PI4K2B: variants seen among roughly 807,000 people sequenced by gnomAD.
PI4K2B encodes the protein phosphatidylinositol 4-kinase type 2 beta.
In PI4K2B, 46 loss-of-function variants were observed where a neutral mutation model predicts 56.6. The ratio of observed to expected loss-of-function variants is 0.81; its 90% CI spans 0.64 to 1.04. The LOEUF is 1.04. Ranked by LOEUF, PI4K2B falls within the 50% of genes least tolerant of loss-of-function variation. PI4K2B has a pLI of 0.00. For synonymous variants in PI4K2B, 211 were observed against 223.8 expected (o/e 0.94, Z 0.51); for missense variants, 556 against 607.7 (o/e 0.91, Z 0.89).
At chr4:25,249,442 G>GC (rs1257182773) in intron 1 of PI4K2B, among the ~76,000 whole-genome samples, 2 of 144,582 alleles carry the variant, frequency 1.4e-5, no homozygotes, top group Non-Finnish European at 3.0e-5. Flanking sequence ...GGCGGGGGCT[G>GC]CCCCCCGCCT....
At chr4:25,252,920 T>G (rs1340820866) in intron 2 of PI4K2B, among the ~76,000 whole-genome samples, 1 of 152,204 alleles carries the variant, frequency 6.6e-6, no homozygotes, top group Non-Finnish European at 1.5e-5. Flanking sequence ...GCCTCAATGT[T>G]TTGCTTTTAC....
chr4:25,265,198 C>CAAAAAA (rs71188933), intron 7 of PI4K2B, among the ~76,000 whole-genome samples: 1,333 of 65,274 alleles, frequency 0.02, 110 homozygotes, highest in African/African-American at 0.077. Context: ...TCTGTCTCAC[C>CAAAAAA]AAAAAAAAAA....
chr4:25,238,493 C>T (rs780475528), intron 1 of PI4K2B, among the ~76,000 whole-genome samples: 3 of 152,114 alleles, frequency 2.0e-5, no homozygotes, highest in Non-Finnish European at 2.9e-5. Context: ...CATGGACCCT[C>T]GCGGTTAGTG....
chr4:25,276,855 T>A (rs556661526), intron 9 of PI4K2B, 159 bp from the exon 10 acceptor site: 1 of 984,852 alleles, frequency 1.0e-6, no homozygotes, highest in East Asian at 1.1e-4. Context: ...AAACATACAT[T>A]CATATAATAC....
chr4:25,241,079 C>G (rs1200516285), intron 1 of PI4K2B, among the ~76,000 whole-genome samples: 1 of 152,232 alleles, frequency 6.6e-6, no homozygotes, highest in Non-Finnish European at 1.5e-5. Context: ...TGCAATAACT[C>G]TATAATTTCC....
chr4:25,272,315 A>G (rs1716929103), intron 9 of PI4K2B, among the ~76,000 whole-genome samples: 1 of 152,230 alleles, frequency 6.6e-6, no homozygotes, highest in Non-Finnish European at 1.5e-5. Flanking sequence ...TGAAGATGAC[A>G]GGGTCAACAA....
intron 1 of PI4K2B, among the ~76,000 whole-genome samples, chr4:25,237,336 A>G (rs573555521): frequency 1.7e-3 from 129 of 76,288 alleles, no homozygotes; most frequent in African/African-American, 5.9e-3. Context: ...TGTGAGTACT[A>G]TTTTTGTTTT....
At chr4:25,265,641 C>T (rs902815756) in intron 7 of PI4K2B, among the ~76,000 whole-genome samples, 5 of 152,236 alleles carry the variant, frequency 3.3e-5, no homozygotes, top group African/African-American at 9.6e-5. Context: ...AAAATTTCTA[C>T]GTCAGCTTAT....
chr4:25,264,859 G>A (rs922348876), intron 7 of PI4K2B, among the ~76,000 whole-genome samples: 2 of 151,392 alleles, frequency 1.3e-5, no homozygotes, highest in African/African-American at 4.9e-5. Flanking sequence ...TGACAAGAGT[G>A]TAAGGCCCTG....
chr4:25,243,515 G>A lies in PI4K2B; in HGVS notation c.269-8806G>A, dbSNP rs527473534. On this transcript the variant is annotated intron_variant, in intron 1 of 9. Coordinates refer to ENST00000264864, the MANE Select transcript of PI4K2B (RefSeq NM_018323.4). ...TGATCTTGCTTTTCCTTTTGGGCCC[G>A]TTCCTTTTGGTCCCTATTATAGAAC... Among the ~76,000 whole-genome samples, 15 of 152,268 alleles carry A rather than the reference G, an allele frequency of 9.9e-5. 1 individual carries two copies. In the South Asian group the frequency reaches 2.1e-3, roughly 21 times the overall value.
Position 25,256,664 on chromosome 4 carries a change from T to C in PI4K2B, c.746T>C (p.Leu249Pro). The change falls in exon 4 of 10, where the codon CTC (leucine) becomes CCC (proline). Residue 249 changes from leucine (L) to proline (P), a missense_variant. Transcript: ENST00000264864. ...KVGRKFHRIG[L>P]PPKIGSFQLF... The stretch of plus-strand genomic sequence containing the variant: ...GGTAGAAAGTTTCATAGGATAGGAC[T>C]CCCTCCTAAGGTAAGTTTCTCTGAT... 6.2e-7 allele frequency: 1 copy of C among 1,613,340 alleles called. No homozygotes were observed. The highest frequency in any genetic ancestry group is 8.5e-7 in the Non-Finnish European group (1 of 1,179,674).
chr4:25,252,329 G>A lies in PI4K2B; in HGVS notation c.277G>A (p.Gly93Ser). ...RSRPAVSVTI[G>S]TSEMNAFLDD... The stretch of plus-strand genomic sequence containing the variant: ...ATTTCTTCTTAATGCAGTAACTATT[G>A]GTACTTCAGAGATGAATGCATTCTT... Residue 93 changes from glycine (G) to serine (S), a missense_variant, in exon 2 of 10, where the codon GGT becomes AGT. Coordinates refer to ENST00000264864, the MANE Select transcript of PI4K2B (RefSeq NM_018323.4). 6.2e-7 allele frequency: 1 copy of A among 1,608,692 alleles called. No individual in the cohort carries two copies. Among genetic ancestry groups the A allele is most frequent in the Non-Finnish European group, 8.5e-7 (1 of 1,175,372 alleles).
At chr4:25,249,329 A>G (rs1326178639) in intron 1 of PI4K2B, among the ~76,000 whole-genome samples, 2 of 151,766 alleles carry the variant, frequency 1.3e-5, no homozygotes, top group African/African-American at 4.8e-5. Context: ...TGTTGGGTAC[A>G]CCTCCCAGAC....
At chr4:25,266,675 A>C (rs1716673721) in intron 7 of PI4K2B, among the ~76,000 whole-genome samples, 1 of 152,230 alleles carries the variant, frequency 6.6e-6, no homozygotes, top group African/African-American at 2.4e-5. Flanking sequence ...CCAAACATGC[A>C]GTTGGGGATT....
At chr4:25,268,328 C>T in intron 7 of PI4K2B, 115 bp from the exon 8 acceptor site, 1 of 818,766 alleles carries the variant, frequency 1.2e-6, no homozygotes. Context: ...TGATTAAGTT[C>T]TTATCCTGTC....
chr4:25,252,519 A>C (rs1716100348), intron 2 of PI4K2B, 44 bp downstream of exon 2: 1 of 1,184,716 alleles, frequency 8.4e-7, no homozygotes, highest in Middle Eastern at 1.9e-4. Context: ...AAACTTTGGT[A>C]AATACTAATT....
intron 1 of PI4K2B, 133 bp downstream of exon 1, chr4:25,234,564 G>A: frequency 5.0e-6 from 3 of 597,978 alleles, no homozygotes; most frequent in Non-Finnish European, 7.3e-6. Flanking sequence ...CAGCTCCCGA[G>A]CTCGGACCGG....
At chr4:25,258,213 CTTTT>C (rs545122643) in intron 4 of PI4K2B, among the ~76,000 whole-genome samples, 2 of 119,012 alleles carry the variant, frequency 1.7e-5, no homozygotes, top group Non-Finnish European at 1.8e-5. Flanking sequence ...GGAATCTGTC[CTTTT>C]TTTTTTTTTT....
At chr4:25,245,970 A>G (rs1715750072) in intron 1 of PI4K2B, among the ~76,000 whole-genome samples, 1 of 149,942 alleles carries the variant, frequency 6.7e-6, no homozygotes, top group Non-Finnish European at 1.5e-5. Context: ...GAAGCCACGG[A>G]CCCTCCCAAT....
Sources: allele counts gnomAD v4.1 joint callset (sites outside exome capture counted in the v4.1 genomes callset), GRCh38; gene constraint gnomAD v4.1.1; transcripts MANE v1.5; gene names NCBI Gene and HGNC (gene_info 2026-07-23, HGNC 2026-07-21).